Variants in DGLUCY observed in about 807,000 individuals in gnomAD.
The protein encoded by DGLUCY is D-glutamate cyclase, mitochondrial.
A neutral mutation model predicts 58.5 loss-of-function variants in DGLUCY; 58 were observed. The observed-to-expected ratio is 0.99, with a 90% CI of 0.80 to 1.23. The LOEUF (loss-of-function observed/expected upper bound fraction) is 1.23. Ranked by LOEUF, DGLUCY falls within the 50% of genes most tolerant of loss-of-function variation. The pLI is 0.00. For synonymous variants in DGLUCY, 325 were observed against 314.1 expected, an observed-to-expected ratio of 1.03 and a Z score of -0.37; for missense variants, 779 against 784.7, an observed-to-expected ratio of 0.99 and a Z score of 0.09.
At chr14:91,077,251 T>TGGGGAGAGAGAGAAAGAGAG (rs1248768094) in intron 1 of DGLUCY, among the ~76,000 whole-genome samples, 1 of 125,646 alleles carries the variant, frequency 8.0e-6, no homozygotes, top group Non-Finnish European at 1.7e-5. Flanking sequence ...AAGCAAAGAG[T>TGGGGAGAGAGAGAAAGAGAG]GGGGAGAGAG....
At chr14:91,077,589 T>C (rs2044046361) in intron 1 of DGLUCY, among the ~76,000 whole-genome samples, 1 of 151,036 alleles carries the variant, frequency 6.6e-6, no homozygotes, top group Admixed American at 6.6e-5. Flanking sequence ...CCGTCTCTAT[T>C]AAAAATACAA....
chr14:91,124,273 G>A (rs2045556117), intron 1 of DGLUCY, among the ~76,000 whole-genome samples: 1 of 152,156 alleles, frequency 6.6e-6, no homozygotes, highest in African/African-American at 2.4e-5. Context: ...TGGGAGTGAA[G>A]CAGCTGCTCC....
intron 11 of DGLUCY, among the ~76,000 whole-genome samples, chr14:91,202,637 T>TG (rs1354692581): frequency 6.6e-6 from 1 of 152,012 alleles, no homozygotes. Context: ...CCTCAGCCTG[T>TG]GGGGGAGGGG....
At chr14:91,110,783 A>G (rs1040667096), upstream of DGLUCY, among the ~76,000 whole-genome samples, 3 of 152,290 alleles carry the variant, frequency 2.0e-5, no homozygotes, top group African/African-American at 7.2e-5. Context: ...TAAAATATGC[A>G]TAACATAAAA....
intron 9 of DGLUCY, 35 bp downstream of exon 9, chr14:91,189,205 A>C (rs371830507): frequency 6.2e-7 from 1 of 1,610,582 alleles, no homozygotes; most frequent in East Asian, 2.2e-5. Context: ...CATTTCCCCA[A>C]ACGGGCTTTG....
At chr14:91,161,020 G>T (rs954407074) in intron 3 of DGLUCY, among the ~76,000 whole-genome samples, 1 of 152,206 alleles carries the variant, frequency 6.6e-6, no homozygotes, top group African/African-American at 2.4e-5. Flanking sequence ...TCTGGCCTCT[G>T]TTGCTCTATA....
chr14:91,167,329 G>GGACCTGGGTCCTCTACCCAGC lies in DGLUCY; in HGVS notation c.208_209insGACCTGGGTCCTCTACCCAGC (p.Glu70delinsGlyProGlySerSerThrGlnGln). 1 of 1,614,042 alleles carries GGACCTGGGTCCTCTACCCAGC rather than the reference G, an allele frequency of 6.2e-7. No individual in the cohort carries two copies. Among genetic ancestry groups the GGACCTGGGTCCTCTACCCAGC allele is most frequent in the Non-Finnish European group, 8.5e-7 (1 of 1,180,000 alleles). On this transcript the variant is annotated protein_altering_variant, in exon 4 of 14. Transcript: ENST00000256324. Reference sequence around the variant, plus strand: ...TCCTCTACCCCTGCTGGGCCAGAGTGAGCCAGAAAAGTGGATGCTGCCCCC... The same window carrying GGACCTGGGTCCTCTACCCAGC: ...TCCTCTACCCCTGCTGGGCCAGAGTGGACCTGGGTCCTCTACCCAGCAGCCAGAAAAGTGGATGCTGCCCCC...
intron 12 of DGLUCY, among the ~76,000 whole-genome samples, chr14:91,209,971 G>A (rs1051489012): frequency 1.3e-5 from 2 of 152,130 alleles, no homozygotes; most frequent in Non-Finnish European, 2.9e-5. Context: ...TAATGATAAA[G>A]GGGCCAGTAT....
Position 91,189,000 on chromosome 14 carries a change from C to G in DGLUCY, c.1025C>G (p.Thr342Ser). 6.2e-7 allele frequency: 1 copy of G among 1,614,206 alleles called. No homozygotes were observed. The highest frequency in any genetic ancestry group is 8.5e-7 in the Non-Finnish European group (1 of 1,180,030). ...CATGCCCGCTCAGTGCTCATCACCA[C>G]TGGGTTCCCCACACATTTCAATCAT... ...LSHARSVLIT[T>S]GFPTHFNHEP... The change falls in exon 9 of 14, where the codon ACT (threonine) becomes AGT (serine). Residue 342 changes from threonine to serine, a missense_variant. Thr to Ser is a moderately conservative substitution (Grantham distance 58). Coordinates refer to ENST00000256324, the MANE Select transcript of DGLUCY (RefSeq NM_001102368.3).
intron 1 of DGLUCY, among the ~76,000 whole-genome samples, chr14:91,073,763 G>A (rs1160873291): frequency 6.6e-6 from 1 of 152,128 alleles, no homozygotes; most frequent in Non-Finnish European, 1.5e-5. Context: ...AAGGACCTCA[G>A]CCCTACACCT....
chr14:91,111,244 GTGTGTATATATC>G (rs2044692428), upstream of DGLUCY, among the ~76,000 whole-genome samples: 2 of 100,682 alleles, frequency 2.0e-5, no homozygotes, highest in African/African-American at 7.8e-5. Context: ...GTGTGTGTGT[GTGTGTATATATC>G]TATATATCTA....
intron 1 of DGLUCY, among the ~76,000 whole-genome samples, chr14:91,122,887 G>A (rs981821264): frequency 5.9e-5 from 9 of 152,128 alleles, no homozygotes; most frequent in Non-Finnish European, 1.0e-4. Flanking sequence ...GATTACAGGC[G>A]TGAGCCACGG....
intron 3 of DGLUCY, among the ~76,000 whole-genome samples, chr14:91,165,591 A>G (rs553198835): frequency 1.3e-5 from 2 of 152,316 alleles, no homozygotes; most frequent in Admixed American, 1.3e-4. Context: ...CTGCCCCCCA[A>G]AAAGATACCC....
chr14:91,109,663 G>T (rs1448902353), upstream of DGLUCY, among the ~76,000 whole-genome samples: 1 of 152,158 alleles, frequency 6.6e-6, no homozygotes, highest in Non-Finnish European at 1.5e-5. Flanking sequence ...TGCTCACAGG[G>T]CAGAGAAAGA....
At chr14:91,159,311 G>A (rs750835613) in intron 2 of DGLUCY, among the ~76,000 whole-genome samples, 4 of 152,130 alleles carry the variant, frequency 2.6e-5, no homozygotes, top group East Asian at 1.9e-4. Flanking sequence ...GCCAGGTGTC[G>A]TGGCACATAC....
Position 91,088,488 on chromosome 14 carries a change from G to A in DGLUCY, c.-82+27784G>A, listed in dbSNP as rs376038392. ...TATTAGAGATAAAAAAATCAGAGAA[G>A]CCGATGAGTCCCCCTCAGTGTCTTG... On this transcript the variant is annotated intron_variant, in intron 1 of 4. Transcript: ENST00000521334. Among the ~76,000 whole-genome samples the A allele has an allele frequency of 3.3e-5, 5 of 152,298 alleles. No individual in the cohort carries two copies. In the East Asian group the frequency reaches 5.8e-4, roughly 18 times the overall value.
chr14:91,136,558 C>G (rs1164719334), intron 1 of DGLUCY, among the ~76,000 whole-genome samples: 1 of 151,722 alleles, frequency 6.6e-6, no homozygotes, highest in Non-Finnish European at 1.5e-5. Context: ...GTGGTAGGAG[C>G]CTGTAATCCC....
intron 2 of DGLUCY, among the ~76,000 whole-genome samples, chr14:91,158,561 G>A (rs973046991): frequency 6.6e-6 from 1 of 152,102 alleles, no homozygotes; most frequent in Non-Finnish European, 1.5e-5. Context: ...ATAAATTGGT[G>A]GTTTGGAATT....
At chr14:91,096,645 G>T (rs990008322) in intron 1 of DGLUCY, among the ~76,000 whole-genome samples, 5 of 152,064 alleles carry the variant, frequency 3.3e-5, no homozygotes, top group Non-Finnish European at 7.4e-5. Flanking sequence ...GTCCACTCTC[G>T]CACTTAGGCC....
Sources: gnomAD v4.1 joint callset for allele counts (sites outside exome capture counted in the v4.1 genomes callset) on GRCh38, gnomAD v4.1.1 for gene constraint, MANE v1.5 for transcripts, NCBI Gene and HGNC (gene_info 2026-07-23, HGNC 2026-07-21) for gene names.